Variants in CPT1B observed in about 807,000 individuals in gnomAD.
The protein encoded by CPT1B is carnitine O-palmitoyltransferase 1, muscle isoform.
CPT1B carries 57 observed loss-of-function variants against 92.7 expected under a neutral mutation model. The ratio of observed to expected loss-of-function variants is 0.62; its 90% confidence interval spans 0.50 to 0.77. CPT1B has a LOEUF of 0.77. CPT1B is among the 30% of genes least tolerant of loss of function. The pLI, the probability that CPT1B is intolerant of heterozygous loss-of-function variation, is 0.00. For synonymous variants in CPT1B, 398 were observed against 383.5 expected (o/e 1.04, Z -0.44); for missense variants, 983 against 1,017.4 (o/e 0.97, Z 0.46).
At chr22:50,574,795 T>TG in intron 7 of CPT1B, 195 bp from the exon 8 acceptor site, 1 of 577,912 alleles carries the variant, frequency 1.7e-6, no homozygotes, top group Non-Finnish European at 3.1e-6. Flanking sequence ...AGCTTCAGCC[T>TG]GAGCTGCTTT....
In CPT1B at chr22:50,577,765, C is replaced by T; in HGVS notation, c.141+10G>A. The T allele has an allele frequency of 1.2e-6, 2 of 1,611,304 alleles. No homozygotes were observed. Among genetic ancestry groups the T allele is most frequent in the Non-Finnish European group, 1.7e-6 (2 of 1,177,824 alleles). On this transcript the variant is annotated intron_variant, in intron 2 of 19. Transcript: ENST00000312108. ...TCTGCCTACGCTCTGGGAGAAGCACCTGTGCGCACCTTGATGCGGATCAGG... is the reference window on the plus strand; with the variant it reads ...TCTGCCTACGCTCTGGGAGAAGCACTTGTGCGCACCTTGATGCGGATCAGG...
In CPT1B at chr22:50,576,528, G is replaced by A. The variant is rs1222664839; in HGVS notation, c.561+8C>T. ...CTGCCCACTGGGATGCCCAAGCGAG[G>A]CCCTCACCCGCTGAATTGTGGCTGA... On this transcript the variant is annotated splice_region_variant and intron_variant, in intron 5 of 19. Coordinates refer to ENST00000312108, the MANE Select transcript of CPT1B (RefSeq NM_152246.3). 6 of 1,597,690 alleles carry A rather than the reference G, an allele frequency of 3.8e-6. No individual in the cohort carries two copies. Among genetic ancestry groups the A allele is most frequent in the Non-Finnish European group, 5.1e-6 (6 of 1,171,732 alleles).
intron 2 of CPT1B, 54 bp from the exon 3 acceptor site, chr22:50,577,517 C>A: frequency 5.0e-6 from 8 of 1,600,700 alleles, no homozygotes; most frequent in Non-Finnish European, 6.0e-6. Context: ...GGTTAGCCTG[C>A]CTGTGAAGTC....
intron 19 of CPT1B, 56 bp downstream of exon 19, chr22:50,569,280 C>T: frequency 6.4e-7 from 1 of 1,572,418 alleles, no homozygotes. Flanking sequence ...TGTGAGCTGC[C>T]ACAGGTCCCT....
intron 17 of CPT1B, 64 bp downstream of exon 17, chr22:50,570,229 G>A: frequency 2.4e-6 from 3 of 1,231,046 alleles, no homozygotes; most frequent in South Asian, 1.5e-5. Flanking sequence ...CTCAGGGCCT[G>A]CACTCGCCAC....
chr22:50,576,780 C>T (rs2070458589), intron 4 of CPT1B, 77 bp downstream of exon 4: 6 of 1,585,786 alleles, frequency 3.8e-6, no homozygotes, highest in South Asian at 1.1e-5. Context: ...CTGCCTCTCC[C>T]GTCTAGCTCA....
In CPT1B at chr22:50,574,319, G is replaced by GA; in HGVS notation, c.970+15dup. 1 of 1,603,282 alleles carries GA rather than the reference G, an allele frequency of 6.2e-7. No homozygotes were observed. Among genetic ancestry groups the GA allele is most frequent in the Non-Finnish European group, 8.5e-7 (1 of 1,173,962 alleles). The stretch of plus-strand genomic sequence containing the variant: ...AGCCAGATGGCCCACAGGTAGCAGC[G>GA]AGGGGGCTCAGTTACCTGTGTCCTT... On this transcript the variant is annotated intron_variant, in intron 9 of 19. Transcript: ENST00000312108.
chr22:50,570,378 G>A lies in CPT1B; in HGVS notation c.2057C>T (p.Thr686Ile). 6.2e-7 allele frequency: 1 copy of A among 1,606,748 alleles called. No individual in the cohort carries two copies. Among genetic ancestry groups the A allele is most frequent in the Non-Finnish European group, 8.5e-7 (1 of 1,175,524 alleles). ...EVLSEPWRLS[T>I]SQIPQSQIRM... ...GATCTGGGATTGGGGGATCTGGCTG[G>A]TGGAGAGACGCCAGGGTTCCGAGAG... The change falls in exon 17 of 20, where the codon ACC becomes ATC. Residue 686 changes from threonine to isoleucine, a missense_variant. Physicochemically the swap from Thr to Ile is moderately conservative, Grantham distance 89. Coordinates refer to ENST00000312108, the MANE Select transcript of CPT1B (RefSeq NM_152246.3).
In CPT1B at chr22:50,577,811, C is replaced by T. The variant is rs754378742; in HGVS notation, c.105G>A (p.Gly35=). The T allele has an allele frequency of 6.2e-6, 10 of 1,613,882 alleles. No homozygotes were observed. Among genetic ancestry groups the T allele is most frequent in the Non-Finnish European group, 5.9e-6 (7 of 1,179,888 alleles). The change falls in exon 2 of 20, where the codon GGG becomes GGA. Residue 35 remains glycine (G), a synonymous_variant. Coordinates refer to ENST00000312108, the MANE Select transcript of CPT1B (RefSeq NM_152246.3). ...TCAGGCGTTTCTTCCAGGAGTTGATCCCAGACAGGTAGACGTGTTTCAGGG... is the reference window on the plus strand; with the variant it reads ...TCAGGCGTTTCTTCCAGGAGTTGATTCCAGACAGGTAGACGTGTTTCAGGG... ...REALKHVYLS[G]INSWKKRLIR...
rs1437774396 is a variant in CPT1B, at chr22:50,576,061, T to C, written c.751A>G (p.Met251Val). The C allele has an allele frequency of 2.5e-6, 4 of 1,613,906 alleles. No homozygotes were observed. Among genetic ancestry groups the C allele is most frequent in the African/African-American group, 2.7e-5 (2 of 75,032 alleles). ...YIYLRGRSPL[M>V]VNSNYYVMDL... The stretch of plus-strand genomic sequence containing the variant: ...ATGACATAATAGTTGCTGTTCACCA[T>C]GAGAGGGCTCCTGCCTCGAAGGTAG... Residue 251 changes from methionine to valine, a missense_variant, in exon 7 of 20, where the codon ATG (methionine) becomes GTG (valine). Met to Val is a conservative substitution (Grantham distance 21). Transcript: ENST00000312108.
chr22:50,577,223 T>G (rs1204290936), intron 3 of CPT1B, 101 bp downstream of exon 3: 2 of 1,506,486 alleles, frequency 1.3e-6, no homozygotes, highest in Non-Finnish European at 1.8e-6. Flanking sequence ...TGACTGCCAA[T>G]GGCTGCTGTC....
chr22:50,577,147 T>C (rs1037307932), intron 3 of CPT1B, 113 bp from the exon 4 acceptor site: 21 of 1,394,932 alleles, frequency 1.5e-5, no homozygotes, highest in Non-Finnish European at 2.1e-5. Flanking sequence ...CACACTCATG[T>C]CTGACTGCAT....
chr22:50,572,860 C>A lies in CPT1B; in HGVS notation c.1352+15G>T. On this transcript the variant is annotated intron_variant, in intron 11 of 19. Transcript: ENST00000312108. ...TAACCTTAAGCTGTAACCTGTGGGG[C>A]TGGGGCTGCCGTACCTGTTGTAGCA... 3 of 1,597,666 alleles carry A rather than the reference C, an allele frequency of 1.9e-6. No individual in the cohort carries two copies. Among genetic ancestry groups the A allele is most frequent in the Non-Finnish European group, 2.6e-6 (3 of 1,166,472 alleles).
chr22:50,569,245 C>A, intron 19 of CPT1B, 91 bp downstream of exon 19: 1 of 1,286,490 alleles, frequency 7.8e-7, no homozygotes. Flanking sequence ...AGCCTGGGCA[C>A]CTGTGCACGG....
chr22:50,570,818 C>G, intron 16 of CPT1B, 73 bp downstream of exon 16: 1 of 1,560,956 alleles, frequency 6.4e-7, no homozygotes, highest in Non-Finnish European at 8.7e-7. Flanking sequence ...GGCCGTGCTC[C>G]ATCATGAGAT....
chr22:50,577,182 A>G, intron 3 of CPT1B, 142 bp downstream of exon 3: 1 of 1,382,204 alleles, frequency 7.2e-7, no homozygotes, highest in East Asian at 2.3e-5. Context: ...TAGGGCTAAG[A>G]CAATGGTTGT....
Position 50,573,695 on chromosome 22 carries a change from C to CT in CPT1B, c.990dup (p.Asp331ArgfsTer20), listed in dbSNP as rs761118390. ...TGGTAGACAGCCACGTGCCGGCTGT[C>CT]TGAGAGGTGCTGTAGCACATCTGTG... On this transcript the variant is annotated frameshift_variant, in exon 10 of 20. Transcript: ENST00000312108. LOFTEE classifies it high-confidence loss of function. This position sits in a 1 kb window ranked among gnomAD's most constrained non-coding sequence, Gnocchi z 5.0. 2 of 1,612,590 alleles carry CT rather than the reference C, an allele frequency of 1.2e-6. No homozygotes were observed. The highest frequency in any genetic ancestry group is 1.7e-6 in the Non-Finnish European group (2 of 1,179,832).
In CPT1B at chr22:50,577,975, G is replaced by A. The variant is rs1346708588; in HGVS notation, c.-19-41C>T. 11 of 1,470,740 alleles carry A rather than the reference G, an allele frequency of 7.5e-6. No homozygotes were observed. In the Admixed American group the frequency reaches 2.1e-4, roughly 28 times the overall value. The allele number at this position is 1,470,740 out of a possible 1,614,324, so 91.1% of individuals were successfully genotyped here. Reference sequence around the variant, plus strand: ...ATGGGTGCGCGGGCGCGCTTAGGCCGGCCCCGCCGCCAGCCGCGCCGAGAC... The same window carrying A: ...ATGGGTGCGCGGGCGCGCTTAGGCCAGCCCCGCCGCCAGCCGCGCCGAGAC... On this transcript the variant is annotated intron_variant, in intron 1 of 19. Transcript: ENST00000312108.
chr22:50,575,571 TG>T (rs1423411123), intron 7 of CPT1B, among the ~76,000 whole-genome samples: 1 of 152,158 alleles, frequency 6.6e-6, no homozygotes, highest in African/African-American at 2.4e-5. Context: ...GCCAGTTACA[TG>T]GGGCAGAGGC....
Sources: allele counts gnomAD v4.1 joint callset (sites outside exome capture counted in the v4.1 genomes callset), GRCh38; gene constraint gnomAD v4.1.1; non-coding constraint Gnocchi (gnomAD v3.1); transcripts MANE v1.5; gene names NCBI Gene and HGNC (gene_info 2026-07-23, HGNC 2026-07-21).